The following SNW1 variants were observed in gnomAD, a reference collection of about 807,000 sequenced individuals.
SNW1 encodes SNW domain containing 1.
A neutral mutation model predicts 75.6 loss-of-function variants in SNW1; 9 were observed. The ratio of observed to expected loss-of-function variants is 0.12; its 90% CI spans 0.07 to 0.21. The LOEUF (loss-of-function observed/expected upper bound fraction) is 0.21. SNW1 is among the 10% of genes least tolerant of loss of function. The pLI is 1.00. For synonymous variants in SNW1, 200 were observed against 219.1 expected (o/e 0.91, Z 0.77); for missense variants, 409 against 670.9 (o/e 0.61, Z 4.31).
chr14:77,746,979 CT>C (rs1424505456), intron 3 of SNW1, among the ~76,000 whole-genome samples: 1 of 151,854 alleles, frequency 6.6e-6, no homozygotes, highest in Non-Finnish European at 1.5e-5. Flanking sequence ...CGAGGCTGGA[CT>C]GTGCTGCCAC....
intron 3 of SNW1, among the ~76,000 whole-genome samples, chr14:77,745,906 C>T (rs1014095897): frequency 2.0e-5 from 3 of 151,982 alleles, no homozygotes; most frequent in African/African-American, 7.3e-5. Flanking sequence ...CACCTGTAGT[C>T]CCAACTCCTT....
intron 10 of SNW1, among the ~76,000 whole-genome samples, chr14:77,729,740 A>G (rs1354924441): frequency 2.0e-5 from 3 of 152,246 alleles, no homozygotes; most frequent in African/African-American, 7.2e-5. Flanking sequence ...TTAGCTTGGC[A>G]GTAGTGAATA....
intron 1 of SNW1, among the ~76,000 whole-genome samples, chr14:77,758,108 T>C (rs2080856878): frequency 1.3e-5 from 2 of 152,008 alleles, no homozygotes; most frequent in African/African-American, 2.4e-5. Flanking sequence ...GGCAGGTGGA[T>C]TACTTGAGGC....
chr14:77,730,964 A>C, intron 10 of SNW1, 24 bp downstream of exon 10: 1 of 1,601,066 alleles, frequency 6.2e-7, no homozygotes, highest in Non-Finnish European at 8.5e-7. Context: ...AGCAAAATTC[A>C]ATTCAGTAAT....
intron 2 of SNW1, among the ~76,000 whole-genome samples, chr14:77,752,895 G>A (rs1400073772): frequency 6.6e-6 from 1 of 152,194 alleles, no homozygotes; most frequent in Non-Finnish European, 1.5e-5. Flanking sequence ...AAAGCTGAGA[G>A]ACATTTTCTT....
At chr14:77,753,066 T>C (rs7148286) in intron 2 of SNW1, among the ~76,000 whole-genome samples, 11,473 of 152,248 alleles carry the variant, frequency 0.075, 680 homozygotes, top group East Asian at 0.17. Flanking sequence ...CAGAAAATCA[T>C]AGCTTTTATT....
chr14:77,719,452 C>T (rs1053220468), intron 12 of SNW1, among the ~76,000 whole-genome samples: 4 of 152,054 alleles, frequency 2.6e-5, no homozygotes, highest in South Asian at 2.1e-4. Context: ...CTTGACCCAA[C>T]GTGATGAAAC....
At position 77,721,271 on chromosome 14, in the gene SNW1, A is replaced by C. The variant is rs527264312; in HGVS notation, c.1131-443T>G. ...ACATTTAGTAATTTTATCCCACTAG[A>C]ATTTTGAGGAAAACATGTCAATGAC... On this transcript the variant is annotated intron_variant, in intron 11 of 13. Coordinates refer to ENST00000261531, the MANE Select transcript of SNW1 (RefSeq NM_012245.3). Among the ~76,000 whole-genome samples, 10 of 152,292 alleles carry C rather than the reference A, an allele frequency of 6.6e-5. No individual in the cohort carries two copies. The South Asian group carries it at 2.1e-3, about 32-fold the overall frequency.
intron 6 of SNW1, among the ~76,000 whole-genome samples, chr14:77,736,549 A>AAAAAAAAAAAAC (rs1555387522): frequency 4.7e-5 from 3 of 63,894 alleles, no homozygotes; most frequent in African/African-American, 1.3e-4. Flanking sequence ...ACTGTCTCTC[A>AAAAAAAAAAAAC]AAAAACAAAA....
chr14:77,747,999 A>G (rs2080777724), intron 3 of SNW1, among the ~76,000 whole-genome samples: 3 of 152,214 alleles, frequency 2.0e-5, no homozygotes, highest in African/African-American at 7.2e-5. Context: ...AAGATAGATA[A>G]ATCAGATTGT....
intron 3 of SNW1, among the ~76,000 whole-genome samples, chr14:77,742,764 A>G (rs1466938776): frequency 6.6e-6 from 1 of 151,474 alleles, no homozygotes; most frequent in African/African-American, 2.4e-5. Flanking sequence ...GGGTTTCATT[A>G]TATTGCCCAG....
intron 1 of SNW1, among the ~76,000 whole-genome samples, chr14:77,755,985 C>T (rs114935964): frequency 2.0e-5 from 3 of 151,106 alleles, no homozygotes; most frequent in Admixed American, 6.6e-5. Flanking sequence ...GTGATGTGCC[C>T]GCCCCGGCCT....
intron 11 of SNW1, among the ~76,000 whole-genome samples, chr14:77,721,309 A>G (rs373722681): frequency 1.5e-4 from 23 of 152,186 alleles, no homozygotes; most frequent in African/African-American, 5.3e-4. Context: ...AATTAGTATG[A>G]TTTTTGACAT....
At position 77,721,746 on chromosome 14, in the gene SNW1, T is replaced by A. The variant is rs115522192; in HGVS notation, c.1131-918A>T. On this transcript the variant is annotated intron_variant, in intron 11 of 13. Transcript: ENST00000261531. ...TTTTCATGCTTATTTATTTTTATTT[T>A]TTTATTTTTTATTTTTTATGACACG... is the stretch of plus-strand genomic sequence containing the variant. Among the ~76,000 whole-genome samples the A allele has an allele frequency of 7.9e-3, 1,202 of 152,110 alleles. 10 individuals are homozygous for A. Among genetic ancestry groups the A allele is most frequent in the African/African-American group, 0.028 (1,156 of 41,492 alleles).
intron 2 of SNW1, among the ~76,000 whole-genome samples, chr14:77,752,548 G>A (rs2080816748): frequency 2.6e-5 from 4 of 152,004 alleles, no homozygotes; most frequent in Admixed American, 1.3e-4. Context: ...AAACATTCAG[G>A]CTTAGAAAAA....
At chr14:77,738,617 T>G (rs1478615847) in intron 5 of SNW1, 161 bp downstream of exon 5, 5 of 616,826 alleles carry the variant, frequency 8.1e-6, no homozygotes, top group Non-Finnish European at 1.1e-5. Context: ...CTTAAAAAAT[T>G]CTGCTTTCAA....
intron 8 of SNW1, chr14:77,733,885 CT>C: frequency 4.8e-6 from 2 of 415,422 alleles, no homozygotes; most frequent in Admixed American, 5.6e-5. Flanking sequence ...AACTTTCAGG[CT>C]TAGCTTTATT....
intron 3 of SNW1, among the ~76,000 whole-genome samples, chr14:77,745,247 A>C (rs745584223): frequency 7.9e-5 from 12 of 152,156 alleles, no homozygotes; most frequent in Non-Finnish European, 1.5e-4. Context: ...TGGAATAGTG[A>C]AGAGTGAGCT....
chr14:77,751,483 A>G lies in SNW1; in HGVS notation c.169-3T>C, dbSNP rs1223686818. 1.3e-6 allele frequency: 2 copies of G among 1,599,798 alleles called. No individual in the cohort carries two copies. Among genetic ancestry groups the G allele is most frequent in the African/African-American group, 2.7e-5 (2 of 74,236 alleles). ...AAAGCACCTCCATCTCCAAAATCCTACACATTAGAAGTAGTTAAATAAAAT... is the reference window on the plus strand; with the variant it reads ...AAAGCACCTCCATCTCCAAAATCCTGCACATTAGAAGTAGTTAAATAAAAT... On this transcript the variant is annotated splice_polypyrimidine_tract_variant and splice_region_variant and intron_variant, in intron 2 of 13. Coordinates refer to ENST00000261531, the MANE Select transcript of SNW1 (RefSeq NM_012245.3).
Sources: gnomAD v4.1 joint callset for allele counts (sites outside exome capture counted in the v4.1 genomes callset) on GRCh38, gnomAD v4.1.1 for gene constraint, MANE v1.5 for transcripts, NCBI Gene and HGNC (gene_info 2026-07-23, HGNC 2026-07-21) for gene names.